LYST: variants seen among roughly 807,000 people sequenced by gnomAD.
The protein encoded by LYST is lysosomal-trafficking regulator.
LYST carries 192 observed loss-of-function variants against 413.6 expected under a neutral mutation model. The observed-to-expected ratio is 0.46, with a 90% confidence interval of 0.41 to 0.52. The LOEUF (loss-of-function observed/expected upper bound fraction) is 0.52. LYST is among the 20% of genes least tolerant of loss of function. The pLI, the probability that LYST is intolerant of heterozygous loss-of-function variation, is 0.00. For synonymous variants in LYST, 1,525 were observed against 1,567.3 expected, an observed-to-expected ratio of 0.97 and a Z score of 0.64; for missense variants, 3,815 against 4,499.9, an observed-to-expected ratio of 0.85 and a Z score of 4.35.
chr1:235,808,390 C>T, intron 5 of LYST, 65 bp downstream of exon 5: 2 of 1,457,550 alleles, frequency 1.4e-6, no homozygotes, highest in Non-Finnish European at 1.9e-6. Context: ...TGAAAGCATC[C>T]AATGAAAAAG....
chr1:235,766,798 C>T (rs902784709), intron 20 of LYST, among the ~76,000 whole-genome samples: 14 of 152,098 alleles, frequency 9.2e-5, no homozygotes, highest in African/African-American at 3.4e-4. Flanking sequence ...ACTACTGCTA[C>T]TATCTTTTCT....
At position 235,809,038 on chromosome 1, in the gene LYST, G is replaced by T. The variant is rs201820026; in HGVS notation, c.1780C>A (p.Pro594Thr). Residue 594 changes from proline to threonine, a missense_variant, in exon 5 of 53, where the codon CCT (proline) becomes ACT (threonine). This residue lies in a region of LYST where 1,648 missense variants were observed against 1,810.3 expected (regional missense o/e 0.91). Transcript: ENST00000389793. The surrounding 1 kb of genome is among the most constrained non-coding windows in gnomAD (Gnocchi z 4.0). ...GGCAATTTAAAAGCATGGAGCAAAG[G>T]AATGATTACAGATTTGGGATCCATA... ...CCMDPKSVII[P>T]LLHAFKLPAL... The T allele has an allele frequency of 1.6e-5, 26 of 1,613,948 alleles. No homozygotes were observed. The highest frequency in any genetic ancestry group is 2.5e-6 in the Non-Finnish European group (3 of 1,179,934).
rs1418056449 is a variant in LYST, at chr1:235,759,115, A to G, written c.6738T>C (p.Leu2246=). ...FQRSHSTIAS[L]GLAFPSQNGS... ...CGTTCTGTGAAGGAAAAGCTAGCCC[A>G]AGGCTTGCAATAGTGCTGTGGCTTC... The change falls in exon 23 of 53, where the codon CTT becomes CTC. Residue 2246 remains leucine (L), a synonymous_variant. Transcript: ENST00000389793. The G allele has an allele frequency of 6.2e-7, 1 of 1,614,206 alleles. No individual in the cohort carries two copies. The highest frequency in any genetic ancestry group is 1.1e-5 in the South Asian group (1 of 91,086).
intron 3 of LYST, among the ~76,000 whole-genome samples, chr1:235,826,929 T>C (rs768404620): frequency 1.2e-3 from 182 of 151,502 alleles, no homozygotes; most frequent in Non-Finnish European, 2.1e-3. Context: ...GTAATCCATC[T>C]ACCTCGGCCT....
At chr1:235,827,329 G>T in intron 3 of LYST, 2 of 554,176 alleles carry the variant, frequency 3.6e-6, no homozygotes, top group Non-Finnish European at 4.6e-6. Flanking sequence ...TGATTGTGCC[G>T]CTGCAGTCCA....
At position 235,788,841 on chromosome 1, in the gene LYST, G is replaced by T. The variant is rs116551057; in HGVS notation, c.4548C>A (p.Ser1516Arg). The T allele has an allele frequency of 1.9e-6, 3 of 1,612,862 alleles. No homozygotes were observed. In the African/African-American group the frequency reaches 4.0e-5, roughly 22 times the overall value. The change falls in exon 13 of 53, where the codon AGC becomes AGA. Residue 1516 changes from serine to arginine, a missense_variant. Ser to Arg is a moderately radical substitution (Grantham distance 110, BLOSUM62 -1). Transcript: ENST00000389793. ...LPDSSFDGTE[S>R]DRPEGAEYIN... ...TGTACTCTGCACCTTCTGGTCTGTCGCTCTCTATAAGAAAAAGATGTTAGA... is the reference window on the plus strand; with the variant it reads ...TGTACTCTGCACCTTCTGGTCTGTCTCTCTCTATAAGAAAAAGATGTTAGA...
chr1:235,874,416 C>T (rs756179185), intron 1 of LYST, among the ~76,000 whole-genome samples: 28 of 152,266 alleles, frequency 1.8e-4, no homozygotes, highest in Admixed American at 5.9e-4. Flanking sequence ...CAACATTGTG[C>T]GTAGGATTCT....
rs1440825029 is a variant in LYST, at chr1:235,766,406, A to C, written c.5923-129T>G. 3 of 640,432 alleles carry C rather than the reference A, an allele frequency of 4.7e-6. No individual in the cohort carries two copies. The African/African-American group carries it at 5.5e-5, about 12-fold the overall frequency. The allele number at this position is 640,432 out of a possible 1,614,324, so 39.7% of individuals were successfully genotyped here. The stretch of plus-strand genomic sequence containing the variant: ...TTACTACTCTAGTCTGATCATACTT[A>C]CCATTACCATAACAACTCATTAAAT... On this transcript the variant is annotated intron_variant, in intron 20 of 52. Coordinates refer to ENST00000389793, the MANE Select transcript of LYST (RefSeq NM_000081.4).
In LYST at chr1:235,804,567, C is replaced by G; in HGVS notation, c.3492G>C (p.Leu1164=). ...AATAATTCCCGAGGGCAACTCGAAGCAGGGCATCAAATAAAGGCTTTGCTA... is the reference window on the plus strand; with the variant it reads ...AATAATTCCCGAGGGCAACTCGAAGGAGGGCATCAAATAAAGGCTTTGCTA... ...TQLAKPLFDA[L]LRVALGNYSA... is the part of the protein sequence containing the mutation. The change falls in exon 7 of 53, where the codon CTG becomes CTC. Residue 1164 remains leucine, a synonymous_variant. Transcript: ENST00000389793. 1 of 1,613,016 alleles carries G rather than the reference C, an allele frequency of 6.2e-7. No homozygotes were observed. Among genetic ancestry groups the G allele is most frequent in the Non-Finnish European group, 8.5e-7 (1 of 1,179,014 alleles).
At chr1:235,691,361 A>G (rs1660637864) in intron 47 of LYST, among the ~76,000 whole-genome samples, 1 of 152,260 alleles carries the variant, frequency 6.6e-6, no homozygotes, top group South Asian at 2.1e-4. Context: ...CAAAGGCTGC[A>G]GTTAGTATAT....
At chr1:235,829,309 C>T (rs925706152) in intron 3 of LYST, 4 of 152,182 alleles carry the variant, frequency 2.6e-5, no homozygotes, top group Non-Finnish European at 5.9e-5. Context: ...AACAGAAGTA[C>T]TGTTTTAGTC....
chr1:235,696,027 T>C (rs1420617366), intron 46 of LYST, among the ~76,000 whole-genome samples: 2 of 152,200 alleles, frequency 1.3e-5, no homozygotes, highest in Non-Finnish European at 2.9e-5. Context: ...TCATAACTAA[T>C]TGTAACATAC....
chr1:235,697,905 A>G (rs2103087617), intron 45 of LYST, among the ~76,000 whole-genome samples: 1 of 152,364 alleles, frequency 6.6e-6, no homozygotes, highest in Admixed American at 6.5e-5. Context: ...AGCTTGAAGA[A>G]CAATAGGATT....
chr1:235,674,251 C>T lies in LYST; in HGVS notation c.11038+2840G>A, dbSNP rs1043747178. Among the ~76,000 whole-genome samples the T allele has an allele frequency of 6.6e-6, 1 of 152,106 alleles. No homozygotes were observed. Among genetic ancestry groups the T allele is most frequent in the Non-Finnish European group, 1.5e-5 (1 of 68,020 alleles). On this transcript the variant is annotated intron_variant, in intron 50 of 52. Coordinates refer to ENST00000389793, the MANE Select transcript of LYST (RefSeq NM_000081.4). This position sits in a 1 kb window ranked among gnomAD's most constrained non-coding sequence, Gnocchi z 4.1. ...TCAAGAGTTAACCAGCCTGTCTGCC[C>T]TTGTTTTCATCCCCAAGCGGATGTA...
At chr1:235,727,992 T>A in intron 38 of LYST, 84 bp downstream of exon 38, 1 of 982,106 alleles carries the variant, frequency 1.0e-6, no homozygotes, top group Non-Finnish European at 1.7e-6. Context: ...CTAATAGTTC[T>A]TCCTTCTCTC....
At chr1:235,771,136 G>A (rs1668625298) in intron 19 of LYST, among the ~76,000 whole-genome samples, 1 of 152,054 alleles carries the variant, frequency 6.6e-6, no homozygotes, top group Admixed American at 6.6e-5. Context: ...TTATAAGATA[G>A]AGCCAAGATA....
intron 45 of LYST, 27 bp downstream of exon 45, chr1:235,702,720 C>A: frequency 6.3e-7 from 1 of 1,581,166 alleles, no homozygotes; most frequent in Non-Finnish European, 8.7e-7. Context: ...GGTTTTGCTG[C>A]ACTCGATTGA....
chr1:235,671,700 T>C (rs1188121647), intron 50 of LYST, among the ~76,000 whole-genome samples: 1 of 152,094 alleles, frequency 6.6e-6, no homozygotes, highest in East Asian at 1.9e-4. Context: ...AAGAGGTCAG[T>C]GAGGTTATAG....
At chr1:235,877,214 G>A (rs1030199833) in intron 1 of LYST, among the ~76,000 whole-genome samples, 2 of 152,160 alleles carry the variant, frequency 1.3e-5, no homozygotes, top group East Asian at 1.9e-4. Context: ...GCCCTGTCCC[G>A]CTATCAAGAG....
Sources: allele counts gnomAD v4.1 joint callset (sites outside exome capture counted in the v4.1 genomes callset), GRCh38; gene constraint gnomAD v4.1.1; regional missense constraint gnomAD v4.1.1; non-coding constraint Gnocchi (gnomAD v3.1); transcripts MANE v1.5; gene names NCBI Gene and HGNC (gene_info 2026-07-23, HGNC 2026-07-21).